Variants in DENND2B observed in about 807,000 individuals in gnomAD.
DENND2B encodes the protein DENN domain-containing protein 2B.
In DENND2B, 32 loss-of-function variants were observed where a neutral mutation model predicts 116.0. The observed-to-expected ratio is 0.28, with a 90% confidence interval of 0.21 to 0.37. The LOEUF is 0.37. DENND2B is among the 10% of genes least tolerant of loss of function. DENND2B has a pLI of 1.00. For missense variants in DENND2B, 1,276 were observed against 1,477.7 expected (o/e 0.86, Z 2.24); for synonymous variants, 588 against 583.9 (o/e 1.01, Z -0.10).
chr11:8,718,156 A>G (rs2045391314), intron 4 of DENND2B: 1 of 352,754 alleles, frequency 2.8e-6, no homozygotes, highest in Non-Finnish European at 5.3e-6. Context: ...TCTGCTTTAT[A>G]AATTCAGGGA....
chr11:8,826,516 T>A (rs1280624076), intron 4 of DENND2B, among the ~76,000 whole-genome samples: 1 of 152,184 alleles, frequency 6.6e-6, no homozygotes, highest in Non-Finnish European at 1.5e-5. Context: ...GATATAGACA[T>A]ACCAGCTTAT....
intron 1 of DENND2B, among the ~76,000 whole-genome samples, chr11:8,756,876 G>C (rs1565864515): frequency 1.3e-5 from 2 of 152,202 alleles, no homozygotes; most frequent in Non-Finnish European, 2.9e-5. Flanking sequence ...TTCTTTGCTA[G>C]TTCCCAGGCC....
chr11:8,823,442 T>A (rs1307195784), intron 4 of DENND2B, among the ~76,000 whole-genome samples: 1 of 152,222 alleles, frequency 6.6e-6, no homozygotes. Flanking sequence ...AGCCATCTGA[T>A]ATGGTTTGGC....
At chr11:8,804,124 G>GGACT (rs757148677) in intron 1 of DENND2B, among the ~76,000 whole-genome samples, 2 of 152,208 alleles carry the variant, frequency 1.3e-5, no homozygotes, top group Admixed American at 6.5e-5. Context: ...GACTACCTCA[G>GGACT]ACTCAGGACT....
intron 1 of DENND2B, among the ~76,000 whole-genome samples, chr11:8,888,575 G>A (rs2063988395): frequency 6.6e-6 from 1 of 152,076 alleles, no homozygotes. Context: ...TTGATATATT[G>A]CACTGCATTA....
chr11:8,830,423 C>A (rs2062158644), intron 4 of DENND2B, among the ~76,000 whole-genome samples: 1 of 152,220 alleles, frequency 6.6e-6, no homozygotes, highest in Non-Finnish European at 1.5e-5. Flanking sequence ...CAGTTAAGAT[C>A]TTGGATATTC....
intron 1 of DENND2B, among the ~76,000 whole-genome samples, chr11:8,881,389 A>C (rs1338109122): frequency 6.6e-6 from 1 of 151,386 alleles, no homozygotes; most frequent in Non-Finnish European, 1.5e-5. Flanking sequence ...TCTATGTTGG[A>C]CCTCTTTGGT....
chr11:8,749,961 A>G (rs930798575), intron 2 of DENND2B, among the ~76,000 whole-genome samples: 1 of 152,190 alleles, frequency 6.6e-6, no homozygotes, highest in Non-Finnish European at 1.5e-5. Context: ...CTCATCCTCA[A>G]AAGGGGGTTA....
intron 1 of DENND2B, among the ~76,000 whole-genome samples, chr11:8,805,696 A>G (rs2060775924): frequency 6.6e-6 from 1 of 152,220 alleles, no homozygotes; most frequent in Non-Finnish European, 1.5e-5. Context: ...TCAGAACTGC[A>G]GCAGGTCTAT....
At chr11:8,719,691 A>G (rs1468255754) in intron 4 of DENND2B, among the ~76,000 whole-genome samples, 2 of 152,188 alleles carry the variant, frequency 1.3e-5, no homozygotes, top group Non-Finnish European at 2.9e-5. Flanking sequence ...TCCTTCCCCA[A>G]CATATGCCCT....
At chr11:8,754,029 GCACA>G (rs60488372) in intron 1 of DENND2B, among the ~76,000 whole-genome samples, 65 of 138,830 alleles carry the variant, frequency 4.7e-4, no homozygotes, top group African/African-American at 1.3e-3. Context: ...CCAAAAGCGC[GCACA>G]CACACACACA....
chr11:8,869,773 A>C (rs1359963975), intron 2 of DENND2B, among the ~76,000 whole-genome samples: 7 of 152,210 alleles, frequency 4.6e-5, no homozygotes, highest in Non-Finnish European at 7.3e-5. Flanking sequence ...GAATTTAAGA[A>C]GCCTTCACTT....
intron 4 of DENND2B, among the ~76,000 whole-genome samples, chr11:8,836,246 G>A (rs1418271887): frequency 2.7e-5 from 4 of 149,082 alleles, no homozygotes; most frequent in African/African-American, 9.8e-5. Context: ...AAAGTATACA[G>A]AATCAATTAT....
chr11:8,869,022 C>T (rs2742543), intron 2 of DENND2B, among the ~76,000 whole-genome samples: 141,739 of 152,298 alleles, frequency 0.93, 66,784 homozygotes, highest in East Asian at 1. Context: ...TCCTTAGAGT[C>T]AGTGTATTTT....
intron 1 of DENND2B, among the ~76,000 whole-genome samples, chr11:8,889,620 C>T (rs1390160739): frequency 6.6e-6 from 1 of 152,230 alleles, no homozygotes; most frequent in Non-Finnish European, 1.5e-5. Context: ...CGGAGGGTCC[C>T]ATGTCCATGG....
chr11:8,707,655 C>T lies in DENND2B; in HGVS notation c.2430+122G>A. 1 of 943,128 alleles carries T rather than the reference C, an allele frequency of 1.1e-6. No individual in the cohort carries two copies. The highest frequency in any genetic ancestry group is 1.6e-6 in the Non-Finnish European group (1 of 626,230). The allele number at this position is 943,128 out of a possible 1,614,324, so 58.4% of individuals were successfully genotyped here. ...TCAGAGAGCTCACTGGTACTTGTTCCTGCATTCTGTCTCCCGCTCGCTCAC... is the reference window on the plus strand; with the variant it reads ...TCAGAGAGCTCACTGGTACTTGTTCTTGCATTCTGTCTCCCGCTCGCTCAC... On this transcript the variant is annotated intron_variant, in intron 12 of 19. Coordinates refer to ENST00000313726, the MANE Select transcript of DENND2B (RefSeq NM_213618.2). This position sits in a 1 kb window ranked among gnomAD's most constrained non-coding sequence, Gnocchi z 4.8.
intron 16 of DENND2B, chr11:8,697,929 C>T (rs1255282140): frequency 6.1e-6 from 3 of 494,028 alleles, no homozygotes; most frequent in South Asian, 1.6e-5. Flanking sequence ...GGAGGGAGTT[C>T]GAGACCAGCC....
chr11:8,718,275 T>C, intron 4 of DENND2B: 5 of 1,236,410 alleles, frequency 4.0e-6, no homozygotes, highest in South Asian at 1.3e-5. Flanking sequence ...ACCCCAGAGA[T>C]AACACAGTTC....
At chr11:8,844,586 G>A (rs1164571869) in intron 3 of DENND2B, among the ~76,000 whole-genome samples, 4 of 82,364 alleles carry the variant, frequency 4.9e-5, no homozygotes, top group Non-Finnish European at 1.1e-4. Flanking sequence ...TTCGTTTTCA[G>A]AATTTTATCC....
Sources: allele counts gnomAD v4.1 joint callset (sites outside exome capture counted in the v4.1 genomes callset), GRCh38; gene constraint gnomAD v4.1.1; non-coding constraint Gnocchi (gnomAD v3.1); transcripts MANE v1.5; gene names NCBI Gene and HGNC (gene_info 2026-07-23, HGNC 2026-07-21).